The following PHACTR2 variants were observed in gnomAD, a reference collection of about 807,000 sequenced individuals.
PHACTR2 encodes the protein phosphatase and actin regulator 2, also known as chromosome 6 open reading frame 56.
In PHACTR2, 30 loss-of-function variants were observed where a neutral mutation model predicts 76.0. That is an observed-to-expected ratio of 0.39 (90% CI 0.30 to 0.54). The LOEUF is 0.54. Ranked by LOEUF, PHACTR2 falls within the 20% of genes least tolerant of loss-of-function variation. The pLI is 0.61. For synonymous variants in PHACTR2, 292 were observed against 292.5 expected (o/e 1.00, Z 0.02); for missense variants, 696 against 781.1 (o/e 0.89, Z 1.30).
intron 3 of PHACTR2, among the ~76,000 whole-genome samples, chr6:143,752,679 T>C (rs916049368): frequency 6.6e-6 from 1 of 152,162 alleles, no homozygotes; most frequent in African/African-American, 2.4e-5. Context: ...ATGGATTTTA[T>C]TGTTAAGCCA....
intron 10 of PHACTR2, among the ~76,000 whole-genome samples, chr6:143,786,803 A>T (rs1470976065): frequency 1.3e-5 from 2 of 152,200 alleles, no homozygotes; most frequent in African/African-American, 4.8e-5. Context: ...GGGAAAGACC[A>T]GCCCCCATGA....
At chr6:143,674,679 C>G (rs1777210868), upstream of PHACTR2, among the ~76,000 whole-genome samples, 1 of 152,154 alleles carries the variant, frequency 6.6e-6, no homozygotes, top group African/African-American at 2.4e-5. The surrounding 1 kb of genome is among the most constrained non-coding windows in gnomAD (Gnocchi z 4.9). Flanking sequence ...AATCCTCACA[C>G]AGCTGGCAGC....
rs113262854 is a variant in PHACTR2 at position 143,730,395 on chromosome 6, T to C, written c.214+18212T>C. On this transcript the variant is annotated intron_variant, in intron 2 of 12. Coordinates refer to ENST00000440869, the MANE Select transcript of PHACTR2 (RefSeq NM_001100164.2). The surrounding 1 kb of genome is among the most constrained non-coding windows in gnomAD (Gnocchi z 4.8). ...TAGAAAACAGTTAATAAGTTTATAC[T>C]TCAGTATTTGTTTTCTTTATTTTTT... Among the ~76,000 whole-genome samples the C allele has an allele frequency of 1.1e-3, 162 of 152,300 alleles. 1 individual carries two copies. The highest frequency in any genetic ancestry group is 3.8e-3 in the African/African-American group (157 of 41,572).
At chr6:143,588,853 T>C (rs1173930841) in intron 1 of PHACTR2, among the ~76,000 whole-genome samples, 1 of 152,218 alleles carries the variant, frequency 6.6e-6, no homozygotes, top group Non-Finnish European at 1.5e-5. Context: ...ATGAAATGTA[T>C]ATGTTCCTAA....
intron 1 of PHACTR2, among the ~76,000 whole-genome samples, chr6:143,632,031 A>C (rs1320978091): frequency 1.3e-5 from 2 of 152,174 alleles, no homozygotes; most frequent in Non-Finnish European, 2.9e-5. Flanking sequence ...CAGCCCTTGG[A>C]ACAGGGAAAA....
chr6:143,588,942 A>G (rs529247808), intron 1 of PHACTR2, among the ~76,000 whole-genome samples: 4 of 152,384 alleles, frequency 2.6e-5, no homozygotes, highest in Admixed American at 1.3e-4. Flanking sequence ...ATTTGAATCA[A>G]TGATCAAAAT....
Position 143,683,031 on chromosome 6 carries a change from A to G in PHACTR2, c.46+4822A>G, listed in dbSNP as rs1182782155. Among the ~76,000 whole-genome samples, 2 of 152,216 alleles carry G rather than the reference A, an allele frequency of 1.3e-5. No homozygotes were observed. The highest frequency in any genetic ancestry group is 2.9e-5 in the Non-Finnish European group (2 of 68,044). On this transcript the variant is annotated intron_variant, in intron 1 of 12. Coordinates refer to ENST00000440869, the MANE Select transcript of PHACTR2 (RefSeq NM_001100164.2). The surrounding 1 kb of genome is among the most constrained non-coding windows in gnomAD (Gnocchi z 4.1). Reference sequence around the variant, plus strand: ...TAAACCAACCTTGCATTCCTAGGATAAATCCCACTTGGGTAATGTGTATAA... The same window carrying G: ...TAAACCAACCTTGCATTCCTAGGATGAATCCCACTTGGGTAATGTGTATAA...
chr6:143,763,275 C>T (rs886501234), intron 5 of PHACTR2, among the ~76,000 whole-genome samples: 12 of 152,126 alleles, frequency 7.9e-5, no homozygotes, highest in African/African-American at 2.9e-4. Flanking sequence ...AGGAGAATCA[C>T]TTGAACCCGG....
chr6:143,563,155 A>G (rs1278191567), intron 1 of PHACTR2, among the ~76,000 whole-genome samples: 4 of 152,216 alleles, frequency 2.6e-5, no homozygotes, highest in Non-Finnish European at 4.4e-5. Context: ...AAAAAAAGCA[A>G]CAAGAAGGGA....
At chr6:143,609,621 C>G (rs1343096674) in intron 1 of PHACTR2, among the ~76,000 whole-genome samples, 6 of 152,126 alleles carry the variant, frequency 3.9e-5, no homozygotes, top group Non-Finnish European at 5.9e-5. Context: ...AAAAGCTTCT[C>G]TAATTACAGT....
At chr6:143,649,405 C>T (rs1006797533) in intron 1 of PHACTR2, among the ~76,000 whole-genome samples, 1 of 152,132 alleles carries the variant, frequency 6.6e-6, no homozygotes, top group African/African-American at 2.4e-5. Flanking sequence ...AAACTTCATG[C>T]CAATATCCTT....
upstream of PHACTR2, among the ~76,000 whole-genome samples, chr6:143,675,343 T>A (rs1777222660): frequency 6.6e-6 from 1 of 152,220 alleles, no homozygotes; most frequent in African/African-American, 2.4e-5. This position sits in a 1 kb window ranked among gnomAD's most constrained non-coding sequence, Gnocchi z 4.9. Context: ...TATGATATGA[T>A]GCGGCATTAT....
intron 1 of PHACTR2, among the ~76,000 whole-genome samples, chr6:143,707,561 A>T (rs1778081986): frequency 6.6e-6 from 1 of 152,230 alleles, no homozygotes; most frequent in Admixed American, 6.5e-5. Context: ...TGAAATAATT[A>T]TGTGTGGTGA....
Position 143,663,095 on chromosome 6 carries a change from C to T in PHACTR2, c.14-48921C>T, listed in dbSNP as rs180890373. Among the ~76,000 whole-genome samples, 455 of 152,238 alleles carry T rather than the reference C, an allele frequency of 3.0e-3. No individual in the cohort carries two copies. The highest frequency in any genetic ancestry group is 3.9e-3 in the Non-Finnish European group (266 of 68,008). On this transcript the variant is annotated intron_variant, in intron 1 of 11. Coordinates refer to the PHACTR2 transcript ENST00000305766. The surrounding 1 kb of genome is among the most constrained non-coding windows in gnomAD (Gnocchi z 4.1). The stretch of plus-strand genomic sequence containing the variant: ...CCCTGGTGTATTTGTACCACGTTTT[C>T]TCTAGCCAGGCCCCCACTAATGAGC...
chr6:143,777,983 C>T lies in PHACTR2; in HGVS notation c.1645+600C>T, dbSNP rs1775325302. ...GTTCTCTTTGACTTTAGTTTTTACT[C>T]ATCCCTGCAGTAGTATTTATTGGAG... On this transcript the variant is annotated intron_variant, in intron 9 of 12. Transcript: ENST00000440869. The surrounding 1 kb of genome is among the most constrained non-coding windows in gnomAD (Gnocchi z 4.6). 1.3e-5 allele frequency among the ~76,000 whole-genome samples: 2 copies of T among 152,142 alleles called. No homozygotes were observed. The highest frequency in any genetic ancestry group is 1.3e-4 in the Admixed American group (2 of 15,272).
Position 143,639,724 on chromosome 6 carries a change from A to G in PHACTR2, c.13+31402A>G, listed in dbSNP as rs1776531567. ...TAATTGATCAAGAACTCTGCACACA[A>G]CAAGTAGATATTCATTCCTCTTAGG... is the stretch of plus-strand genomic sequence containing the variant. On this transcript the variant is annotated intron_variant, in intron 1 of 11. Coordinates refer to the PHACTR2 transcript ENST00000305766. This position sits in a 1 kb window ranked among gnomAD's most constrained non-coding sequence, Gnocchi z 5.0. Among the ~76,000 whole-genome samples, 1 of 152,108 alleles carries G rather than the reference A, an allele frequency of 6.6e-6. No homozygotes were observed. Among genetic ancestry groups the G allele is most frequent in the Non-Finnish European group, 1.5e-5 (1 of 68,044 alleles).
intron 1 of PHACTR2, among the ~76,000 whole-genome samples, chr6:143,542,232 C>T (rs950719711): frequency 3.3e-5 from 5 of 152,172 alleles, no homozygotes; most frequent in Non-Finnish European, 7.4e-5. Flanking sequence ...CCTTCTCCCC[C>T]AGGGAGAGCA....
intron 10 of PHACTR2, among the ~76,000 whole-genome samples, chr6:143,785,260 G>A (rs1445079005): frequency 6.6e-6 from 1 of 152,126 alleles, no homozygotes; most frequent in East Asian, 1.9e-4. Flanking sequence ...CAAAACAAAG[G>A]GGTTGCAGGG....
chr6:143,655,834 C>T (rs1776840578), intron 1 of PHACTR2, among the ~76,000 whole-genome samples: 1 of 152,228 alleles, frequency 6.6e-6, no homozygotes, highest in African/African-American at 2.4e-5. Flanking sequence ...AAAATGTCCT[C>T]AGTTTCTGAG....
Sources: allele counts gnomAD v4.1 joint callset (sites outside exome capture counted in the v4.1 genomes callset), GRCh38; gene constraint gnomAD v4.1.1; non-coding constraint Gnocchi (gnomAD v3.1); transcripts MANE v1.5; gene names NCBI Gene and HGNC (gene_info 2026-07-23, HGNC 2026-07-21).